TTLL7: variants seen among roughly 807,000 people sequenced by gnomAD.
TTLL7 encodes tubulin tyrosine ligase like 7.
A neutral mutation model predicts 120.2 loss-of-function variants in TTLL7; 53 were observed. That is an observed-to-expected ratio of 0.44 (90% CI 0.35 to 0.55). The LOEUF is 0.55. Among genes scored for constraint, TTLL7 ranks in the 20% least tolerant of loss-of-function variants. The probability of loss-of-function intolerance (pLI) is 0.00; values close to 1 mark genes in which losing one functional copy is unlikely to be tolerated. For synonymous variants in TTLL7, 353 were observed against 351.7 expected, an observed-to-expected ratio of 1.00 and a Z score of -0.04; for missense variants, 803 against 1,054.7, an observed-to-expected ratio of 0.76 and a Z score of 3.31.
At chr1:83,998,526 C>A (rs1474246432) in intron 1 of TTLL7, among the ~76,000 whole-genome samples, 1 of 152,212 alleles carries the variant, frequency 6.6e-6, no homozygotes, top group Non-Finnish European at 1.5e-5. Context: ...TTTTGATACC[C>A]TTTCAAGAAT....
chr1:83,921,191 T>A lies in TTLL7; in HGVS notation c.1291-31A>T, dbSNP rs927927687. 6 of 1,609,756 alleles carry A rather than the reference T, an allele frequency of 3.7e-6. No homozygotes were observed. The African/African-American group carries it at 6.7e-5, about 18-fold the overall frequency. ...AATGAGAAAAATTTTACAAATAAAA[T>A]CCAACAAGTGAATTATGCAATTTAA... On this transcript the variant is annotated intron_variant, in intron 11 of 20. Coordinates refer to ENST00000260505, the MANE Select transcript of TTLL7 (RefSeq NM_024686.6).
At chr1:83,951,262 T>G (rs1649022433) in intron 3 of TTLL7, among the ~76,000 whole-genome samples, 1 of 151,184 alleles carries the variant, frequency 6.6e-6, no homozygotes, top group African/African-American at 2.4e-5. Flanking sequence ...GGCAGGAGAA[T>G]GGCGTGAACC....
At chr1:83,973,358 T>C (rs1221103613) in intron 1 of TTLL7, among the ~76,000 whole-genome samples, 2 of 152,108 alleles carry the variant, frequency 1.3e-5, no homozygotes, top group Non-Finnish European at 2.9e-5. Flanking sequence ...TTTGCATCAT[T>C]GTCAAAGATC....
intron 18 of TTLL7, among the ~76,000 whole-genome samples, chr1:83,892,498 A>G (rs1474929575): frequency 7.9e-6 from 1 of 126,798 alleles, no homozygotes; most frequent in East Asian, 2.1e-4. Context: ...ATATATATGA[A>G]CATATGAATG....
rs1652956689 is a variant in TTLL7 at position 83,866,939 on chromosome 1, A to T, written c.*3023T>A. Reference sequence around the variant, plus strand: ...TGTTTCTTAGACATTTCTAGAAATTATTCAAATATTGCATAGTTCTAGAAA... The same window carrying T: ...TGTTTCTTAGACATTTCTAGAAATTTTTCAAATATTGCATAGTTCTAGAAA... On this transcript the variant is annotated 3_prime_UTR_variant, in exon 21 of 21. Coordinates refer to ENST00000260505, the MANE Select transcript of TTLL7 (RefSeq NM_024686.6). 6.6e-6 allele frequency: 1 copy of T among 151,960 alleles called. No individual in the cohort carries two copies. The highest frequency in any genetic ancestry group is 2.4e-5 in the African/African-American group (1 of 41,440). The allele number at this position is 151,960 out of a possible 1,614,324, so 9.4% of individuals were successfully genotyped here.
intron 14 of TTLL7, among the ~76,000 whole-genome samples, chr1:83,912,149 A>G (rs1394822887): frequency 6.6e-6 from 1 of 152,182 alleles, no homozygotes; most frequent in African/African-American, 2.4e-5. Flanking sequence ...CATTTTAAAA[A>G]TTAATAATAT....
intron 8 of TTLL7, among the ~76,000 whole-genome samples, chr1:83,937,223 G>C (rs537839621): frequency 3.5e-5 from 5 of 144,456 alleles, no homozygotes; most frequent in African/African-American, 1.3e-4. Context: ...TTTTTTTTGA[G>C]ACCAAAATCT....
intron 8 of TTLL7, 108 bp downstream of exon 8, chr1:83,937,740 CAATT>C: frequency 7.8e-7 from 1 of 1,276,414 alleles, no homozygotes. Flanking sequence ...CTGGTCCTCT[CAATT>C]ATAGGGAACC....
chr1:83,933,275 C>A (rs573047823), intron 9 of TTLL7, among the ~76,000 whole-genome samples: 75 of 152,064 alleles, frequency 4.9e-4, no homozygotes, highest in Non-Finnish European at 8.5e-4. Context: ...GAGACACTAT[C>A]CAGAACTCAT....
intron 1 of TTLL7, among the ~76,000 whole-genome samples, chr1:83,970,041 T>C (rs1650834149): frequency 6.6e-6 from 1 of 152,028 alleles, no homozygotes; most frequent in African/African-American, 2.4e-5. Flanking sequence ...CAGGATGTTT[T>C]AAAGCAATGA....
At chr1:83,961,317 T>A (rs1005055205) in intron 1 of TTLL7, among the ~76,000 whole-genome samples, 7 of 152,100 alleles carry the variant, frequency 4.6e-5, no homozygotes, top group Admixed American at 2.6e-4. Flanking sequence ...CTAAATTAAA[T>A]TTAATCCCAT....
chr1:83,949,459 T>C (rs1284998101), intron 4 of TTLL7: 2 of 167,480 alleles, frequency 1.2e-5, no homozygotes, highest in African/African-American at 4.8e-5. Context: ...CCTGAGTAGC[T>C]GGGACTACAG....
intron 1 of TTLL7, among the ~76,000 whole-genome samples, chr1:83,971,769 C>G (rs1328928710): frequency 6.6e-6 from 1 of 151,916 alleles, no homozygotes; most frequent in Admixed American, 6.6e-5. Flanking sequence ...TCTGTTATTG[C>G]TAGTAATAAA....
intron 1 of TTLL7, chr1:83,984,352 C>A (rs11163881): frequency 0.022 from 3,287 of 152,274 alleles, 53 homozygotes; most frequent in African/African-American, 0.044. Context: ...CTGTGGAAGG[C>A]AGTTTGGAGA....
intron 1 of TTLL7, among the ~76,000 whole-genome samples, chr1:83,974,809 A>G (rs1273469349): frequency 6.6e-6 from 1 of 152,050 alleles, no homozygotes; most frequent in East Asian, 1.9e-4. Context: ...GACCTATTAT[A>G]CCTACCCATA....
chr1:83,909,269 CT>C lies in TTLL7; in HGVS notation c.1787-1609del, dbSNP rs71582911. Reference sequence around the variant, plus strand: ...TCATCACAGATTACTTTTTTTTTTCCTTTTTTTTTTTTTTTTTTTGCCTACA... The same window carrying C: ...TCATCACAGATTACTTTTTTTTTTCCTTTTTTTTTTTTTTTTTTGCCTACA... On this transcript the variant is annotated intron_variant, in intron 15 of 20. Transcript: ENST00000260505. 7.0e-3 allele frequency among the ~76,000 whole-genome samples: 699 copies of C among 99,256 alleles called. 3 individuals carry two copies. The highest frequency in any genetic ancestry group is 0.012 in the Admixed American group (85 of 7,358). The allele number at this position is 99,256 out of a possible 152,430, so 65.1% of individuals were successfully genotyped here.
In TTLL7 at chr1:83,868,627, A is replaced by G. The variant is rs981498857; in HGVS notation, c.*1335T>C. ...AAACTACTGTATTAGAATTTGCAATATAAGTTGATTTCAACCTTGAGAGAT... is the reference window on the plus strand; with the variant it reads ...AAACTACTGTATTAGAATTTGCAATGTAAGTTGATTTCAACCTTGAGAGAT... On this transcript the variant is annotated 3_prime_UTR_variant, in exon 21 of 21. Coordinates refer to ENST00000260505, the MANE Select transcript of TTLL7 (RefSeq NM_024686.6). 1.1e-4 allele frequency: 16 copies of G among 152,236 alleles called. No homozygotes were observed. Among genetic ancestry groups the G allele is most frequent in the African/African-American group, 3.4e-4 (14 of 41,464 alleles). 9.4% of individuals were successfully genotyped at this position (152,236 alleles called of 1,614,324 possible). A position where few individuals can be genotyped will look rare whatever the true frequency, so the allele number is the denominator to read the frequency against.
chr1:83,909,010 A>G (rs1657449203), intron 15 of TTLL7, among the ~76,000 whole-genome samples: 1 of 151,704 alleles, frequency 6.6e-6, no homozygotes, highest in Admixed American at 6.6e-5. Context: ...CACTGCTTCT[A>G]TATTTCTAGA....
intron 1 of TTLL7, among the ~76,000 whole-genome samples, chr1:83,987,110 G>C (rs1273681582): frequency 6.6e-6 from 1 of 151,404 alleles, no homozygotes; most frequent in African/African-American, 2.4e-5. Context: ...TTAAAACATA[G>C]GTATAATTTT....
Sources: gnomAD v4.1 joint callset for allele counts (sites outside exome capture counted in the v4.1 genomes callset) on GRCh38, gnomAD v4.1.1 for gene constraint, MANE v1.5 for transcripts, NCBI Gene and HGNC (gene_info 2026-07-23, HGNC 2026-07-21) for gene names.